Variants in EHMT1 observed in about 807,000 individuals in gnomAD.
EHMT1 encodes euchromatic histone lysine methyltransferase 1.
A neutral mutation model predicts 147.2 loss-of-function variants in EHMT1; 15 were observed. The observed-to-expected ratio is 0.10, with a 90% CI of 0.07 to 0.16. The LOEUF is 0.16. Among genes scored for constraint, EHMT1 ranks in the 10% least tolerant of loss-of-function variants. EHMT1 has a pLI of 1.00. For synonymous variants in EHMT1, 795 were observed against 709.6 expected, an observed-to-expected ratio of 1.12 and a Z score of -1.91; for missense variants, 1,587 against 1,772.4, an observed-to-expected ratio of 0.90 and a Z score of 1.88.
chr9:137,767,157 C>T (rs1004703724), intron 10 of EHMT1, among the ~76,000 whole-genome samples: 1 of 152,056 alleles, frequency 6.6e-6, no homozygotes, highest in African/African-American at 2.4e-5. Context: ...TGCCACTCTG[C>T]TGCCCAGGCT....
chr9:137,725,827 T>G (rs917883328), intron 3 of EHMT1, among the ~76,000 whole-genome samples: 2 of 152,142 alleles, frequency 1.3e-5, no homozygotes, highest in Non-Finnish European at 2.9e-5. Context: ...CCCCTGTGCC[T>G]TCCAGCTCGC....
intron 1 of EHMT1, among the ~76,000 whole-genome samples, chr9:137,653,529 T>C (rs1938092242): frequency 6.6e-6 from 1 of 152,016 alleles, no homozygotes. Context: ...ATTTTCTCTT[T>C]CTTTTTTTTT....
In EHMT1 at chr9:137,754,219, A is replaced by G; in HGVS notation, c.1297A>G (p.Thr433Ala). Residue 433 changes from threonine (T) to alanine (A), a missense_variant, in exon 8 of 27, where the codon ACC (threonine) becomes GCC (alanine). Transcript: ENST00000460843. ...GAAATTTCTCAAGAGGAAAGGAAAG[A>G]CCGACAGTCCCTGGATCAAGCCAGC... ...KKKFLKRKGK[T>A]DSPWIKPARK... 1 of 1,614,142 alleles carries G rather than the reference A, an allele frequency of 6.2e-7. No homozygotes were observed. Among genetic ancestry groups the G allele is most frequent in the Non-Finnish European group, 8.5e-7 (1 of 1,180,014 alleles).
chr9:137,678,223 G>T (rs1395288318), intron 1 of EHMT1, among the ~76,000 whole-genome samples: 1 of 152,088 alleles, frequency 6.6e-6, no homozygotes, highest in Non-Finnish European at 1.5e-5. Context: ...GGCCATTTTT[G>T]TTTCTTGTGA....
intron 1 of EHMT1, among the ~76,000 whole-genome samples, chr9:137,623,399 G>A (rs531944837): frequency 7.9e-5 from 12 of 151,482 alleles, no homozygotes; most frequent in Admixed American, 2.6e-4. Context: ...TGGGGTTTGC[G>A]TGTCTGAAAA....
chr9:137,657,389 G>A (rs1010597111), intron 1 of EHMT1, among the ~76,000 whole-genome samples: 2 of 152,264 alleles, frequency 1.3e-5, no homozygotes, highest in Middle Eastern at 3.4e-3. Flanking sequence ...GGGTGCAGCA[G>A]GTGAGGTGAG....
chr9:137,709,652 C>T (rs559541898), intron 1 of EHMT1, among the ~76,000 whole-genome samples: 3 of 139,696 alleles, frequency 2.1e-5, no homozygotes, highest in East Asian at 2.0e-4. Flanking sequence ...GCTGGACACC[C>T]GGGTTTTTGC....
chr9:137,801,140 C>G (rs534154854), intron 18 of EHMT1, among the ~76,000 whole-genome samples, 156 bp downstream of exon 18: 1 of 152,248 alleles, frequency 6.6e-6, no homozygotes, highest in African/African-American at 2.4e-5. Context: ...CTGTGGCTGT[C>G]CTGTGCTGGA....
At chr9:137,771,487 C>T (rs1950579862) in intron 10 of EHMT1, among the ~76,000 whole-genome samples, 1 of 152,206 alleles carries the variant, frequency 6.6e-6, no homozygotes, top group Non-Finnish European at 1.5e-5. Flanking sequence ...GCCCTGCTAT[C>T]TCCCATGTCT....
chr9:137,793,303 C>T (rs1376359781), intron 16 of EHMT1, among the ~76,000 whole-genome samples: 2 of 152,232 alleles, frequency 1.3e-5, no homozygotes, highest in South Asian at 2.1e-4. Flanking sequence ...AGCCATCTCT[C>T]TAAGGAAGGC....
intron 3 of EHMT1, among the ~76,000 whole-genome samples, chr9:137,720,425 T>C (rs1945833866): frequency 6.6e-6 from 1 of 152,132 alleles, no homozygotes; most frequent in Admixed American, 6.5e-5. Flanking sequence ...TGCCTCTGCC[T>C]CCTGAGTAGC....
intron 15 of EHMT1, among the ~76,000 whole-genome samples, chr9:137,789,847 A>G (rs1305729208): frequency 2.0e-5 from 3 of 152,230 alleles, no homozygotes; most frequent in Non-Finnish European, 1.5e-5. Context: ...CTCCTGCCTC[A>G]GCCTCCTGCG....
chr9:137,761,655 C>T (rs1949826500), intron 9 of EHMT1, among the ~76,000 whole-genome samples: 1 of 152,050 alleles, frequency 6.6e-6, no homozygotes, highest in Non-Finnish European at 1.5e-5. Flanking sequence ...GACGGGGTTT[C>T]ACCATGTTGT....
intron 5 of EHMT1, among the ~76,000 whole-genome samples, 171 bp from the exon 6 acceptor site, chr9:137,743,731 G>GC (rs1331498545): frequency 6.6e-6 from 1 of 152,134 alleles, no homozygotes; most frequent in African/African-American, 2.4e-5. Flanking sequence ...CCTCACCACA[G>GC]CCCACCTGTC....
In EHMT1 at chr9:137,775,771, G is replaced by T. The variant is rs1476194314; in HGVS notation, c.1791+519G>T. ...TGGGCTGTTTCTGCTGGGATCTTGG[G>T]TCATCAGTTACTTCAATGTCAAACA... is the stretch of plus-strand genomic sequence containing the variant. On this transcript the variant is annotated intron_variant, in intron 11 of 26. Coordinates refer to ENST00000460843, the MANE Select transcript of EHMT1 (RefSeq NM_024757.5). This position sits in a 1 kb window ranked among gnomAD's most constrained non-coding sequence, Gnocchi z 6.1. Among the ~76,000 whole-genome samples, 1 of 151,904 alleles carries T rather than the reference G, an allele frequency of 6.6e-6. No homozygotes were observed. The highest frequency in any genetic ancestry group is 2.4e-5 in the African/African-American group (1 of 41,358).
chr9:137,755,160 CCA>C (rs1293079909), intron 8 of EHMT1, among the ~76,000 whole-genome samples: 1 of 152,036 alleles, frequency 6.6e-6, no homozygotes, highest in Non-Finnish European at 1.5e-5. Context: ...GACCTTGAAT[CCA>C]TCACCACAGT....
At chr9:137,788,227 C>G in intron 15 of EHMT1, 2 of 524,330 alleles carry the variant, frequency 3.8e-6, no homozygotes, top group Non-Finnish European at 3.3e-6. Context: ...CCAGGATGCT[C>G]CTCCCTGGAG....
intron 1 of EHMT1, among the ~76,000 whole-genome samples, chr9:137,690,544 G>A (rs376733096): frequency 2.3e-4 from 35 of 150,736 alleles, no homozygotes; most frequent in Admixed American, 2.1e-3. Context: ...ACTAGATGTC[G>A]AAGAATATAT....
At chr9:137,664,341 G>A (rs937213339) in intron 1 of EHMT1, among the ~76,000 whole-genome samples, 12 of 151,394 alleles carry the variant, frequency 7.9e-5, no homozygotes, top group Non-Finnish European at 1.3e-4. Flanking sequence ...GCTCAGGCTG[G>A]AGTGCAGTGG....
Sources: allele counts gnomAD v4.1 joint callset (sites outside exome capture counted in the v4.1 genomes callset), GRCh38; gene constraint gnomAD v4.1.1; non-coding constraint Gnocchi (gnomAD v3.1); transcripts MANE v1.5; gene names NCBI Gene and HGNC (gene_info 2026-07-23, HGNC 2026-07-21).